OPCML: variants seen among roughly 807,000 people sequenced by gnomAD.
The protein encoded by OPCML is opioid binding protein/cell adhesion molecule like.
In OPCML, 13 loss-of-function variants were observed where a neutral mutation model predicts 37.8. The ratio of observed to expected loss-of-function variants is 0.34; its 90% CI spans 0.22 to 0.55. The LOEUF is 0.55. OPCML is among the 20% of genes least tolerant of loss of function. The pLI is 0.91. For synonymous variants in OPCML, 176 were observed against 168.8 expected, an observed-to-expected ratio of 1.04 and a Z score of -0.33; for missense variants, 341 against 435.6, an observed-to-expected ratio of 0.78 and a Z score of 1.93.
In OPCML at chr11:132,667,841, G is replaced by T. The variant is rs115755660; in HGVS notation, c.147-10522C>A. ...AGTGGGACTTATAGGCTATGTTGAG[G>T]TCCCATTTGTAGTTGGTGGTCAAGA... On this transcript the variant is annotated intron_variant, in intron 2 of 7. Coordinates refer to ENST00000524381, the MANE Select transcript of OPCML (RefSeq NM_001012393.5). Among the ~76,000 whole-genome samples the T allele has an allele frequency of 5.1e-3, 777 of 152,324 alleles. 1 individual carries two copies. The highest frequency in any genetic ancestry group is 0.018 in the African/African-American group (740 of 41,558).
At chr11:132,457,277 C>T (rs370073795) in intron 4 of OPCML, among the ~76,000 whole-genome samples, 1 of 152,172 alleles carries the variant, frequency 6.6e-6, no homozygotes, top group African/African-American at 2.4e-5. Context: ...TGAACACAGT[C>T]GTAGGGCATG....
intron 1 of OPCML, chr11:133,359,917 C>A (rs1009134369): frequency 6.6e-6 from 1 of 152,204 alleles, no homozygotes; most frequent in South Asian, 2.1e-4. Flanking sequence ...TTTATTCATT[C>A]ATTCATTTCT....
intron 1 of OPCML, among the ~76,000 whole-genome samples, chr11:133,195,969 G>T (rs375967265): frequency 2.0e-5 from 3 of 152,292 alleles, no homozygotes; most frequent in East Asian, 3.9e-4. Context: ...GCTTCCTTGA[G>T]CTTAAGGGCT....
intron 1 of OPCML, among the ~76,000 whole-genome samples, chr11:132,986,045 C>T (rs1421487786): frequency 3.3e-5 from 5 of 151,592 alleles, no homozygotes; most frequent in African/African-American, 1.2e-4. Context: ...GTTTATGATG[C>T]TTCTTCTTTC....
chr11:133,513,850 T>A (rs1363628300), intron 1 of OPCML, among the ~76,000 whole-genome samples: 1 of 152,196 alleles, frequency 6.6e-6, no homozygotes, highest in African/African-American at 2.4e-5. Context: ...AGATCTTAAT[T>A]CATGAGCTGC....
At chr11:132,438,166 G>T (rs2096019487) in intron 4 of OPCML, among the ~76,000 whole-genome samples, 1 of 152,118 alleles carries the variant, frequency 6.6e-6, no homozygotes, top group South Asian at 2.1e-4. Context: ...ACCATTACAG[G>T]TTCTTGCAAC....
chr11:132,609,364 C>T (rs1938497083), intron 3 of OPCML, among the ~76,000 whole-genome samples: 1 of 152,178 alleles, frequency 6.6e-6, no homozygotes, highest in African/African-American at 2.4e-5. Context: ...GGTCTAACTT[C>T]GAAGGCCGTG....
At chr11:133,240,009 G>A (rs1018540720) in intron 1 of OPCML, among the ~76,000 whole-genome samples, 6 of 151,928 alleles carry the variant, frequency 3.9e-5, no homozygotes, top group South Asian at 2.1e-4. Context: ...AAAAATTTTC[G>A]ATTTGCCAAA....
chr11:132,802,848 A>G (rs1938753148), intron 2 of OPCML, among the ~76,000 whole-genome samples: 1 of 152,184 alleles, frequency 6.6e-6, no homozygotes, highest in Non-Finnish European at 1.5e-5. Flanking sequence ...ATGGGAAAAG[A>G]AAGAAAGGGG....
intron 2 of OPCML, among the ~76,000 whole-genome samples, chr11:132,658,201 G>A (rs1941797178): frequency 6.6e-6 from 1 of 152,212 alleles, no homozygotes; most frequent in Non-Finnish European, 1.5e-5. Flanking sequence ...TGCTTTCTAA[G>A]TGTGGAGGCA....
chr11:133,135,320 GA>G (rs1176688763), intron 1 of OPCML, among the ~76,000 whole-genome samples: 1 of 152,064 alleles, frequency 6.6e-6, no homozygotes, highest in East Asian at 1.9e-4. Context: ...GTTAACTGTT[GA>G]GGTTCTACCA....
At chr11:133,325,336 C>T (rs549528491) in intron 1 of OPCML, among the ~76,000 whole-genome samples, 89 of 152,312 alleles carry the variant, frequency 5.8e-4, no homozygotes, top group African/African-American at 2.0e-3. Flanking sequence ...ATTTGGGGTG[C>T]TCATTCCCAG....
chr11:133,491,853 G>A (rs542383270), intron 1 of OPCML, among the ~76,000 whole-genome samples: 2 of 152,262 alleles, frequency 1.3e-5, no homozygotes, highest in Admixed American at 6.5e-5. Context: ...AGTGAAAGAA[G>A]GATCAGGAAC....
rs145725601 is a variant in OPCML at position 132,439,009 on chromosome 11, G to A, written c.506-1650C>T. On this transcript the variant is annotated intron_variant, in intron 4 of 7. Coordinates refer to ENST00000524381, the MANE Select transcript of OPCML (RefSeq NM_001012393.5). ...CTACCAATCATCTATTTATAGAAATGTCACTGCAAATCAGCACCGTTCTGT... is the reference window on the plus strand; with the variant it reads ...CTACCAATCATCTATTTATAGAAATATCACTGCAAATCAGCACCGTTCTGT... 1.8e-4 allele frequency among the ~76,000 whole-genome samples: 27 copies of A among 152,220 alleles called. No homozygotes were observed. In the East Asian group the frequency reaches 2.9e-3, roughly 16 times the overall value.
At chr11:132,823,911 C>T (rs1273324918) in intron 2 of OPCML, among the ~76,000 whole-genome samples, 1 of 152,096 alleles carries the variant, frequency 6.6e-6, no homozygotes, top group Non-Finnish European at 1.5e-5. Context: ...TTCTGACATG[C>T]ACTCTCTTGT....
intron 1 of OPCML, among the ~76,000 whole-genome samples, chr11:133,013,743 A>C (rs1239373108): frequency 6.6e-6 from 1 of 152,174 alleles, no homozygotes; most frequent in Non-Finnish European, 1.5e-5. Context: ...TGAATCCTCA[A>C]GGTGGGATTT....
At position 133,166,939 on chromosome 11, in the gene OPCML, T is replaced by G. The variant is rs1012731871; in HGVS notation, c.62-223929A>C. Among the ~76,000 whole-genome samples, 14 of 152,178 alleles carry G rather than the reference T, an allele frequency of 9.2e-5. 1 individual carries two copies. The highest frequency in any genetic ancestry group is 3.9e-4 in the Admixed American group (6 of 15,286). ...AGAAAAGTGTGTGATTAATGGCAAA[T>G]AGGCTTGCATTTTTTCTCTCTCAGT... is the stretch of plus-strand genomic sequence containing the variant. On this transcript the variant is annotated intron_variant, in intron 1 of 7. Transcript: ENST00000524381.
Position 133,214,887 on chromosome 11 carries a change from A to G in OPCML, c.62-271877T>C, listed in dbSNP as rs919625881. ...TGTCACATTACACTTACTTACGAAC[A>G]GCTATATAGCCAGCAAATGAGGCAA... is the stretch of plus-strand genomic sequence containing the variant. On this transcript the variant is annotated intron_variant, in intron 1 of 7. Transcript: ENST00000524381. Among the ~76,000 whole-genome samples the G allele has an allele frequency of 2.0e-5, 3 of 152,160 alleles. No individual in the cohort carries two copies. In the South Asian group the frequency reaches 6.2e-4, roughly 32 times the overall value.
At chr11:132,425,123 T>A (rs2095973891) in intron 7 of OPCML, among the ~76,000 whole-genome samples, 1 of 152,210 alleles carries the variant, frequency 6.6e-6, no homozygotes, top group Non-Finnish European at 1.5e-5. Flanking sequence ...TCATTCAACA[T>A]ATGTGAATTG....
Sources: allele counts gnomAD v4.1 joint callset (sites outside exome capture counted in the v4.1 genomes callset), GRCh38; gene constraint gnomAD v4.1.1; transcripts MANE v1.5; gene names NCBI Gene and HGNC (gene_info 2026-07-23, HGNC 2026-07-21).